The following ZNF236 variants were observed in gnomAD, a reference collection of about 807,000 sequenced individuals.
The protein encoded by ZNF236 is regulated by glucose.
Under a neutral mutation model 191.2 loss-of-function variants are expected in ZNF236, and 50 were observed. That is an observed-to-expected ratio of 0.26 (90% CI 0.21 to 0.33). ZNF236 has a LOEUF of 0.33. Among genes scored for constraint, ZNF236 ranks in the 10% least tolerant of loss-of-function variants. The pLI is 1.00. For missense variants in ZNF236, 1,754 were observed against 2,374.5 expected, an observed-to-expected ratio of 0.74 and a Z score of 5.43; for synonymous variants, 907 against 928.8, an observed-to-expected ratio of 0.98 and a Z score of 0.43.
rs952345396 is a variant in ZNF236, at chr18:76,969,386, C to G, written c.*1047C>G. On this transcript the variant is annotated 3_prime_UTR_variant, in exon 31 of 31. Transcript: ENST00000320610. ...CATTCCAAAGATGGAAGGTTCTTTA[C>G]TTCATGTTAATTTTTCCTTTGAAAT... 6.6e-6 allele frequency: 1 copy of G among 152,564 alleles called. No homozygotes were observed. Among genetic ancestry groups the G allele is most frequent in the Non-Finnish European group, 1.5e-5 (1 of 68,036 alleles). The allele number at this position is 152,564 out of a possible 1,614,324, so 9.5% of individuals were successfully genotyped here. A position where few individuals can be genotyped will look rare whatever the true frequency, so the allele number is the denominator to read the frequency against.
At chr18:76,839,786 A>G (rs963500281) in intron 1 of ZNF236, among the ~76,000 whole-genome samples, 1 of 152,216 alleles carries the variant, frequency 6.6e-6, no homozygotes, top group African/African-American at 2.4e-5. Context: ...CTATTTATCT[A>G]AAAGTTAATA....
intron 1 of ZNF236, among the ~76,000 whole-genome samples, chr18:76,831,684 T>A (rs1474086063): frequency 6.6e-6 from 1 of 152,236 alleles, no homozygotes; most frequent in East Asian, 1.9e-4. Flanking sequence ...CTGTTGTACA[T>A]CCTAACCAGC....
chr18:76,966,009 G>A (rs1278263250), intron 30 of ZNF236, among the ~76,000 whole-genome samples: 1 of 152,172 alleles, frequency 6.6e-6, no homozygotes, highest in Admixed American at 6.5e-5. Flanking sequence ...ATTGGGTGGG[G>A]GCTGGGCTAG....
intron 25 of ZNF236, among the ~76,000 whole-genome samples, chr18:76,933,994 T>C (rs1207368358): frequency 1.3e-5 from 2 of 152,224 alleles, no homozygotes; most frequent in East Asian, 3.8e-4. Flanking sequence ...AAATTAAACA[T>C]GACTCTTCTA....
chr18:76,898,343 T>C (rs564661735), intron 10 of ZNF236, among the ~76,000 whole-genome samples: 4 of 152,378 alleles, frequency 2.6e-5, no homozygotes, highest in East Asian at 3.9e-4. Flanking sequence ...CCTGTACTCA[T>C]TGGCAATATC....
At chr18:76,938,476 G>A (rs538112398) in intron 26 of ZNF236, among the ~76,000 whole-genome samples, 33 of 152,314 alleles carry the variant, frequency 2.2e-4, no homozygotes, top group African/African-American at 7.9e-4. Flanking sequence ...AAGAAAAACA[G>A]ATGTTGGCAT....
intron 7 of ZNF236, among the ~76,000 whole-genome samples, chr18:76,879,142 A>G (rs1976800418): frequency 6.6e-6 from 1 of 152,198 alleles, no homozygotes; most frequent in African/African-American, 2.4e-5. Flanking sequence ...TTCCTTTGGC[A>G]ATATGCAAAT....
intron 9 of ZNF236, chr18:76,885,249 A>C (rs1236073202): frequency 6.6e-6 from 1 of 152,324 alleles, no homozygotes; most frequent in Non-Finnish European, 1.5e-5. Context: ...TCGGAGATGC[A>C]CTGTTCTCAG....
rs1390434263 is a variant in ZNF236 at position 76,956,128 on chromosome 18, C to T, written c.5058C>T (p.Arg1686=). ...GCAAGGAGGTGCATGGCCGGGAGCG[C>T]ATCCACGGCTGCCCCGTGTGCAGGA... ...HHSKEVHGRE[R]IHGCPVCRKA... Residue 1686 remains arginine, a synonymous_variant, in exon 28 of 31, where the codon CGC becomes CGT. Coordinates refer to ENST00000320610, the MANE Select transcript of ZNF236 (RefSeq NM_001306089.2). 1 of 1,571,964 alleles carries T rather than the reference C, an allele frequency of 6.4e-7. No individual in the cohort carries two copies. The highest frequency in any genetic ancestry group is 1.9e-5 in the Admixed American group (1 of 53,944).
At chr18:76,853,139 C>T (rs544852199) in intron 3 of ZNF236, among the ~76,000 whole-genome samples, 22 of 151,774 alleles carry the variant, frequency 1.4e-4, no homozygotes, top group African/African-American at 2.9e-4. Context: ...AGTGCAATGG[C>T]GCCATCTTAA....
In ZNF236 at chr18:76,904,651, C is replaced by T. The variant is rs980211186; in HGVS notation, c.2036+130C>T. The T allele has an allele frequency of 3.9e-5, 27 of 700,312 alleles. No homozygotes were observed. In the African/African-American group the frequency reaches 4.1e-4, roughly 11 times the overall value. 43.4% of individuals were successfully genotyped at this position (700,312 alleles called of 1,614,324 possible). A position where few individuals can be genotyped will look rare whatever the true frequency, so the allele number is the denominator to read the frequency against. Reference sequence around the variant, plus strand: ...AAAGATGTCACATTTGACTCCAAAACATTTATTGGTAATTAATATTTTTAT... The same window carrying T: ...AAAGATGTCACATTTGACTCCAAAATATTTATTGGTAATTAATATTTTTAT... On this transcript the variant is annotated intron_variant, in intron 12 of 30. Transcript: ENST00000320610.
At chr18:76,884,510 A>G (rs1215236644) in intron 9 of ZNF236, among the ~76,000 whole-genome samples, 2 of 152,172 alleles carry the variant, frequency 1.3e-5, no homozygotes, top group African/African-American at 4.8e-5. Context: ...TGAAAATGGT[A>G]TGGTATAGTG....
chr18:76,826,706 ATGAGAATCGCT>A (rs1975029062), intron 1 of ZNF236, among the ~76,000 whole-genome samples: 1 of 148,938 alleles, frequency 6.7e-6, no homozygotes. Context: ...GTGCTGAGGC[ATGAGAATCGCT>A]TGAGCCCAGG....
Position 76,910,111 on chromosome 18 carries a change from C to T in ZNF236, c.2595C>T (p.Asp865=). The T allele has an allele frequency of 5.6e-6, 9 of 1,613,700 alleles. No homozygotes were observed. Among genetic ancestry groups the T allele is most frequent in the Non-Finnish European group, 7.6e-6 (9 of 1,179,622 alleles). ...AGGACCCTCTGCGAGGGCACGTAGA[C>T]CAGTTTGAAGAGCAGAGCCCTGCGC... ...APQDPLRGHV[D]QFEEQSPAQQ... Residue 865 remains aspartate (D), a synonymous_variant, in exon 15 of 31, where the codon GAC becomes GAT. Coordinates refer to ENST00000320610, the MANE Select transcript of ZNF236 (RefSeq NM_001306089.2).
chr18:76,905,111 A>C (rs1478358106), intron 12 of ZNF236, 44 bp from the exon 13 acceptor site: 1 of 1,547,366 alleles, frequency 6.5e-7, no homozygotes, highest in Non-Finnish European at 8.8e-7. Flanking sequence ...AGCATTATAA[A>C]AGTATAAGAA....
intron 9 of ZNF236, among the ~76,000 whole-genome samples, chr18:76,890,903 T>C (rs1977209339): frequency 6.6e-6 from 1 of 152,100 alleles, no homozygotes; most frequent in Non-Finnish European, 1.5e-5. Flanking sequence ...CCCGACTTCC[T>C]CAGCCTACTC....
At chr18:76,964,786 T>A (rs1460907242) in intron 30 of ZNF236, among the ~76,000 whole-genome samples, 1 of 152,200 alleles carries the variant, frequency 6.6e-6, no homozygotes, top group Non-Finnish European at 1.5e-5. Context: ...TATTTTCCTG[T>A]TGGACAACGC....
chr18:76,843,573 C>T (rs1008126303), intron 1 of ZNF236, among the ~76,000 whole-genome samples: 12 of 142,046 alleles, frequency 8.4e-5, no homozygotes, highest in African/African-American at 3.1e-4. Context: ...GTCAGGAGTT[C>T]GAGACCATCC....
chr18:76,827,488 C>A (rs1293986964), intron 1 of ZNF236, among the ~76,000 whole-genome samples: 1 of 152,146 alleles, frequency 6.6e-6, no homozygotes, highest in Non-Finnish European at 1.5e-5. Context: ...CCTGGCTGAA[C>A]AACTATTTTT....
Sources: allele counts gnomAD v4.1 joint callset (sites outside exome capture counted in the v4.1 genomes callset), GRCh38; gene constraint gnomAD v4.1.1; transcripts MANE v1.5; gene names NCBI Gene and HGNC (gene_info 2026-07-23, HGNC 2026-07-21).